HABP2: variants seen among roughly 807,000 people sequenced by gnomAD.
HABP2 encodes the protein hyaluronan binding protein 2.
A neutral mutation model predicts 66.5 loss-of-function variants in HABP2; 65 were observed. The observed-to-expected ratio is 0.98, with a 90% CI of 0.80 to 1.20. HABP2 has a LOEUF of 1.20. Ranked by LOEUF, HABP2 falls within the 50% of genes most tolerant of loss-of-function variation. The probability of loss-of-function intolerance (pLI) is 0.00; values close to 1 mark genes in which losing one functional copy is unlikely to be tolerated. For missense variants in HABP2, 786 were observed against 691.0 expected (o/e 1.14, Z -1.54); for synonymous variants, 263 against 253.9 (o/e 1.04, Z -0.34).
intron 1 of HABP2, among the ~76,000 whole-genome samples, chr10:113,553,585 G>A (rs1187243995): frequency 2.0e-5 from 3 of 152,232 alleles, no homozygotes; most frequent in South Asian, 2.1e-4. Flanking sequence ...GTTTTCCAGC[G>A]ATTTGTGGCT....
intron 4 of HABP2, 88 bp from the exon 5 acceptor site, chr10:113,577,062 C>G (rs1473695497): frequency 1.3e-6 from 1 of 777,460 alleles, no homozygotes; most frequent in African/African-American, 1.7e-5. Flanking sequence ...CACTGTCAGT[C>G]ACCCCACCCT....
Position 113,581,925 on chromosome 10 carries a change from G to A in HABP2, c.888G>A (p.Pro296=), listed in dbSNP as rs138470633. Residue 296 remains proline (P), a synonymous_variant, in exon 9 of 13, where the codon CCG becomes CCA. Transcript: ENST00000351270. ...CCACTGAGCCATCAACCAAGCTTCC[G>A]GGGTTTGACTCCTGTGGAAAGACTG... ...ESPTEPSTKL[P]GFDSCGKTEI... 26 of 1,613,974 alleles carry A rather than the reference G, an allele frequency of 1.6e-5. No individual in the cohort carries two copies. The highest frequency in any genetic ancestry group is 1.6e-4 in the Middle Eastern group (1 of 6,084).
In HABP2 at chr10:113,581,868, T is replaced by C. The variant is rs763340459; in HGVS notation, c.839-8T>C. The C allele has an allele frequency of 1.2e-6, 2 of 1,613,754 alleles. No homozygotes were observed. The highest frequency in any genetic ancestry group is 4.5e-5 in the East Asian group (2 of 44,880). ...AATAGCACAATTTATCTTTCTTGTG[T>C]CCCACAGACGTTGCCTACCCAGAGG... On this transcript the variant is annotated splice_polypyrimidine_tract_variant and splice_region_variant and intron_variant, in intron 8 of 12. Coordinates refer to ENST00000351270, the MANE Select transcript of HABP2 (RefSeq NM_004132.5).
intron 1 of HABP2, among the ~76,000 whole-genome samples, chr10:113,563,454 C>T (rs963163170): frequency 6.6e-6 from 1 of 152,230 alleles, no homozygotes; most frequent in African/African-American, 2.4e-5. Context: ...ACCACGGCCC[C>T]TCTCTGTGGG....
At chr10:113,562,065 C>T (rs11575634) in intron 1 of HABP2, among the ~76,000 whole-genome samples, 17,088 of 152,120 alleles carry the variant, frequency 0.11, 1,035 homozygotes, top group Middle Eastern at 0.14. Context: ...AAGTCAGTGT[C>T]CTGAGCCAGG....
intron 1 of HABP2, among the ~76,000 whole-genome samples, chr10:113,560,147 ACATT>A (rs1302829923): frequency 6.6e-6 from 1 of 152,204 alleles, no homozygotes; most frequent in Non-Finnish European, 1.5e-5. Flanking sequence ...TTTGGCTTCC[ACATT>A]CTCCCTTGAG....
At chr10:113,553,406 C>G (rs907287999) in intron 1 of HABP2, among the ~76,000 whole-genome samples, 1 of 152,200 alleles carries the variant, frequency 6.6e-6, no homozygotes, top group Non-Finnish European at 1.5e-5. Flanking sequence ...CATCTTGGAG[C>G]GGAGCCTCCA....
intron 2 of HABP2, among the ~76,000 whole-genome samples, chr10:113,568,708 G>T (rs945412149): frequency 6.6e-6 from 1 of 152,208 alleles, no homozygotes; most frequent in African/African-American, 2.4e-5. Context: ...CCAAGGGGCT[G>T]GAAGGGTGGC....
intron 1 of HABP2, among the ~76,000 whole-genome samples, chr10:113,556,132 C>T (rs918031912): frequency 6.6e-6 from 1 of 152,184 alleles, no homozygotes; most frequent in South Asian, 2.1e-4. Context: ...CTAGAATCTT[C>T]CCAGGGATAG....
intron 1 of HABP2, among the ~76,000 whole-genome samples, chr10:113,559,939 C>T (rs1035935105): frequency 6.6e-6 from 1 of 152,202 alleles, no homozygotes; most frequent in African/African-American, 2.4e-5. Flanking sequence ...TGAGTCCCTC[C>T]CCTGCCCCAA....
At chr10:113,558,811 G>A (rs4917658) in intron 1 of HABP2, among the ~76,000 whole-genome samples, 37,558 of 151,892 alleles carry the variant, frequency 0.25, 5,906 homozygotes, top group East Asian at 0.51. Context: ...CTTATGAGGC[G>A]GCCCCACGCT....
intron 1 of HABP2, among the ~76,000 whole-genome samples, chr10:113,560,310 A>T (rs373535376): frequency 6.6e-6 from 1 of 152,254 alleles, no homozygotes; most frequent in East Asian, 1.9e-4. Context: ...CTTCACACCT[A>T]TTAGGATGGC....
intron 3 of HABP2, among the ~76,000 whole-genome samples, chr10:113,575,485 C>G (rs935373504): frequency 6.6e-6 from 1 of 152,142 alleles, no homozygotes; most frequent in African/African-American, 2.4e-5. Context: ...CACTCCTGAC[C>G]TCCACCCCTG....
intron 1 of HABP2, among the ~76,000 whole-genome samples, chr10:113,559,922 T>C (rs4918843): frequency 0.36 from 54,881 of 152,046 alleles, 10,586 homozygotes; most frequent in East Asian, 0.61. Context: ...GCCAGGAGAC[T>C]TGAGCCTGAG....
chr10:113,551,296 G>A (rs1194666071), upstream of HABP2, among the ~76,000 whole-genome samples: 3 of 152,188 alleles, frequency 2.0e-5, no homozygotes, highest in Admixed American at 1.3e-4. Context: ...ATAGCAATAC[G>A]GCTGTGACAT....
At chr10:113,564,216 A>G (rs943953437) in intron 1 of HABP2, among the ~76,000 whole-genome samples, 3 of 152,160 alleles carry the variant, frequency 2.0e-5, no homozygotes, top group African/African-American at 7.2e-5. Context: ...AATCACTATC[A>G]TGAGAACAGC....
At position 113,578,048 on chromosome 10, in the gene HABP2, C is replaced by A. The variant is rs145891602; in HGVS notation, c.471C>A (p.Asn157Lys). ...CSQVVPVCRP[N>K]PCQNGATCSR... ...CAGTGGTTCCTGTATGCAGGCCAAA[C>A]CCCTGCCAGAATGGGGCTACCTGCT... Residue 157 changes from asparagine to lysine, a missense_variant, in exon 6 of 13, where the codon AAC (asparagine) becomes AAA (lysine). By Grantham distance (94) the Asn-to-Lys change is moderately conservative. Coordinates refer to ENST00000351270, the MANE Select transcript of HABP2 (RefSeq NM_004132.5). The A allele has an allele frequency of 1.0e-4, 165 of 1,614,040 alleles. 1 individual carries two copies. The highest frequency in any genetic ancestry group is 1.3e-4 in the Non-Finnish European group (155 of 1,180,004).
intron 1 of HABP2, among the ~76,000 whole-genome samples, chr10:113,563,210 G>T (rs1304389038): frequency 6.6e-6 from 1 of 152,122 alleles, no homozygotes; most frequent in African/African-American, 2.4e-5. Context: ...CTCTTTGAAT[G>T]TGCAAGTCTC....
chr10:113,572,086 T>C (rs1436568701), intron 2 of HABP2, among the ~76,000 whole-genome samples: 1 of 152,258 alleles, frequency 6.6e-6, no homozygotes, highest in Non-Finnish European at 1.5e-5. Context: ...GCTGGATGGC[T>C]TCTTCCACCC....
Sources: gnomAD v4.1 joint callset for allele counts (sites outside exome capture counted in the v4.1 genomes callset) on GRCh38, gnomAD v4.1.1 for gene constraint, MANE v1.5 for transcripts, NCBI Gene and HGNC (gene_info 2026-07-23, HGNC 2026-07-21) for gene names.